The following ANK3 variants were observed in gnomAD, a reference collection of about 807,000 sequenced individuals.
ANK3 encodes the protein ankyrin-3.
In ANK3, 57 loss-of-function variants were observed where a neutral mutation model predicts 370.9. The ratio of observed to expected loss-of-function variants is 0.15; its 90% CI spans 0.12 to 0.19. ANK3 has a LOEUF of 0.19. Ranked by LOEUF, ANK3 falls within the 10% of genes least tolerant of loss-of-function variation. The pLI, the probability that ANK3 is intolerant of heterozygous loss-of-function variation, is 1.00. For missense variants in ANK3, 4,439 were observed against 5,302.1 expected, an observed-to-expected ratio of 0.84 and a Z score of 5.06; for synonymous variants, 1,929 against 1,946.3, an observed-to-expected ratio of 0.99 and a Z score of 0.23.
Position 60,514,728 on chromosome 10 carries a change from T to G in ANK3, c.96+100458A>C, listed in dbSNP as rs149880192. On this transcript the variant is annotated intron_variant, in intron 2 of 43. Coordinates refer to the ANK3 transcript ENST00000373827. ...TTTCAGGGGCCTTTCTTCTTCGAGA[T>G]TGGCAATAAAATGTTCTCCTAATGA... 2.8e-3 allele frequency among the ~76,000 whole-genome samples: 425 copies of G among 152,210 alleles called. 1 individual carries two copies. Among genetic ancestry groups the G allele is most frequent in the Non-Finnish European group, 4.7e-3 (319 of 68,006 alleles).
At chr10:60,059,773 C>T in intron 40 of ANK3, 2 of 1,614,192 alleles carry the variant, frequency 1.2e-6, no homozygotes, top group Non-Finnish European at 8.5e-7. Context: ...ACTGAGTCTT[C>T]CAGTTTGCTG....
intron 39 of ANK3, 45 bp from the exon 40 acceptor site, chr10:60,063,299 C>G (rs1461277050): frequency 1.9e-6 from 3 of 1,564,754 alleles, no homozygotes; most frequent in African/African-American, 2.7e-5. Flanking sequence ...AAATTATGTT[C>G]TTTCAGTCAG....
intron 1 of ANK3, among the ~76,000 whole-genome samples, chr10:60,667,425 C>A (rs2079012659): frequency 6.6e-6 from 1 of 151,986 alleles, no homozygotes; most frequent in Non-Finnish European, 1.5e-5. Flanking sequence ...AAAAAACTAA[C>A]ACATTAAAAA....
intron 1 of ANK3, among the ~76,000 whole-genome samples, chr10:60,372,564 T>C (rs2060242885): frequency 6.6e-6 from 1 of 152,236 alleles, no homozygotes; most frequent in Admixed American, 6.5e-5. Flanking sequence ...GTTCTAACAA[T>C]CAGAACTGTT....
intron 16 of ANK3, among the ~76,000 whole-genome samples, chr10:60,194,740 T>C (rs1443312787): frequency 6.6e-6 from 1 of 152,202 alleles, no homozygotes; most frequent in Non-Finnish European, 1.5e-5. Context: ...TCAAGTCACA[T>C]TGTGGTTTTG....
chr10:60,460,188 C>A (rs753845341), intron 2 of ANK3, among the ~76,000 whole-genome samples: 5 of 152,100 alleles, frequency 3.3e-5, no homozygotes, highest in Admixed American at 3.3e-4. Context: ...AGAAGCCAAG[C>A]AGCAGAAACA....
chr10:60,163,642 G>A (rs891191567), intron 23 of ANK3, among the ~76,000 whole-genome samples: 2 of 152,130 alleles, frequency 1.3e-5, no homozygotes, highest in African/African-American at 2.4e-5. Flanking sequence ...TGAAAAAGAA[G>A]AGAGAGACTA....
intron 21 of ANK3, among the ~76,000 whole-genome samples, chr10:60,170,514 G>A (rs2393618): frequency 0.029 from 4,438 of 152,290 alleles, 179 homozygotes; most frequent in African/African-American, 0.084. Flanking sequence ...AATGCTGGGC[G>A]AAGTTTTAGA....
At chr10:60,383,832 G>A (rs1421648321) in intron 1 of ANK3, among the ~76,000 whole-genome samples, 2 of 152,170 alleles carry the variant, frequency 1.3e-5, no homozygotes, top group Admixed American at 6.6e-5. Flanking sequence ...GAGATACCCA[G>A]GTAATTAGGA....
chr10:60,038,319 C>T (rs2075478914), intron 43 of ANK3, among the ~76,000 whole-genome samples: 1 of 152,190 alleles, frequency 6.6e-6, no homozygotes, highest in Non-Finnish European at 1.5e-5. Flanking sequence ...ATTGCTTGAA[C>T]CCAGGAGGCA....
chr10:60,312,389 T>C (rs1418690192), intron 1 of ANK3, among the ~76,000 whole-genome samples: 2 of 152,216 alleles, frequency 1.3e-5, no homozygotes, highest in African/African-American at 4.8e-5. Flanking sequence ...AAATGTCTGT[T>C]GAATGCTAGA....
intron 5 of ANK3, among the ~76,000 whole-genome samples, chr10:60,265,484 G>GA (rs1463755607): frequency 1.3e-5 from 2 of 151,992 alleles, no homozygotes; most frequent in Non-Finnish European, 2.9e-5. Flanking sequence ...GTTGAATGTA[G>GA]AAAAAACAGC....
chr10:60,086,717 C>T lies in ANK3; in HGVS notation c.3708G>A (p.Gly1236=), dbSNP rs2086771249. Residue 1236 remains glycine (G), a synonymous_variant, in exon 30 of 44, where the codon GGG becomes GGA. Transcript: ENST00000280772. ...GAAGACGCAGATTGGGTGTAGTGTC[C>T]CCTTTGTATCCATTGGATACACCTT... The part of the protein sequence containing the change: ...SGEGVSNGYK[G]DTTPNLRLLC... The T allele has an allele frequency of 6.2e-7, 1 of 1,613,692 alleles. No individual in the cohort carries two copies. Among genetic ancestry groups the T allele is most frequent in the African/African-American group, 1.3e-5 (1 of 74,918 alleles).
rs1014075639 is a variant in ANK3, at chr10:60,672,958, GACTGTTC to G, written c.58-57741_58-57735del. On this transcript the variant is annotated intron_variant, in intron 1 of 43. Coordinates refer to the ANK3 transcript ENST00000373827. The stretch of plus-strand genomic sequence containing the variant: ...CACATTCTGGTCACAGAAGCATGAT[GACTGTTC>G]ACTGTTCACTGTTTAAGAGAAGAAA... 3.9e-5 allele frequency among the ~76,000 whole-genome samples: 6 copies of G among 151,952 alleles called. No homozygotes were observed. The East Asian group carries it at 1.2e-3, about 29-fold the overall frequency.
At chr10:60,184,957 C>T (rs74156428) in intron 17 of ANK3, among the ~76,000 whole-genome samples, 15,476 of 152,180 alleles carry the variant, frequency 0.1, 980 homozygotes, top group African/African-American at 0.16. Flanking sequence ...ACACAAGGTC[C>T]TCTTTGTCAT....
intron 1 of ANK3, among the ~76,000 whole-genome samples, chr10:60,333,438 T>C (rs536830023): frequency 1.3e-5 from 2 of 152,314 alleles, no homozygotes; most frequent in South Asian, 2.1e-4. Flanking sequence ...CTGAGGATGA[T>C]GGTTTCCAGC....
At chr10:60,216,087 C>T (rs993684188) in intron 8 of ANK3, among the ~76,000 whole-genome samples, 1 of 151,972 alleles carries the variant, frequency 6.6e-6, no homozygotes, top group Non-Finnish European at 1.5e-5. Flanking sequence ...TGTATACCTA[C>T]GTATTTTATT....
intron 1 of ANK3, among the ~76,000 whole-genome samples, chr10:60,326,043 T>C (rs2049776882): frequency 6.6e-6 from 1 of 152,090 alleles, no homozygotes; most frequent in Non-Finnish European, 1.5e-5. Context: ...AACCAAATAC[T>C]GCATGTTCTC....
In ANK3 at chr10:60,581,860, T is replaced by A. The variant is rs1207570771; in HGVS notation, c.96+33326A>T. ...CTTACTATTCACAATAGCAAAGACT[T>A]GGAACCAACCCAAATGCCCATCAAT... is the stretch of plus-strand genomic sequence containing the variant. On this transcript the variant is annotated intron_variant, in intron 2 of 43. Coordinates refer to the ANK3 transcript ENST00000373827. Among the ~76,000 whole-genome samples, 2 of 152,100 alleles carry A rather than the reference T, an allele frequency of 1.3e-5. 1 individual carries two copies. The highest frequency in any genetic ancestry group is 4.8e-5 in the African/African-American group (2 of 41,406).
Sources: allele counts gnomAD v4.1 joint callset (sites outside exome capture counted in the v4.1 genomes callset), GRCh38; gene constraint gnomAD v4.1.1; transcripts MANE v1.5; gene names NCBI Gene and HGNC (gene_info 2026-07-23, HGNC 2026-07-21).